STXBP5L: variants seen among roughly 807,000 people sequenced by gnomAD.
The protein encoded by STXBP5L is syntaxin-binding protein 5-like.
STXBP5L carries 65 observed loss-of-function variants against 144.5 expected under a neutral mutation model. The ratio of observed to expected loss-of-function variants is 0.45; its 90% CI spans 0.37 to 0.55. STXBP5L has a LOEUF of 0.55. STXBP5L is among the 20% of genes least tolerant of loss of function. STXBP5L has a pLI of 0.00. For synonymous variants in STXBP5L, 505 were observed against 469.6 expected, an observed-to-expected ratio of 1.08 and a Z score of -0.97; for missense variants, 1,298 against 1,405.5, an observed-to-expected ratio of 0.92 and a Z score of 1.22.
chr3:121,364,580 G>T (rs1249833060), intron 20 of STXBP5L, among the ~76,000 whole-genome samples: 1 of 151,528 alleles, frequency 6.6e-6, no homozygotes, highest in East Asian at 1.9e-4. Flanking sequence ...TCTAATCCAT[G>T]AACATGGGAT....
intron 3 of STXBP5L, among the ~76,000 whole-genome samples, chr3:120,985,940 C>T (rs9873825): frequency 0.099 from 15,058 of 151,456 alleles, 1,172 homozygotes; most frequent in Admixed American, 0.2. Flanking sequence ...CTTTATTATA[C>T]CCTTTGTTCT....
chr3:121,067,892 C>G (rs1320938592), intron 5 of STXBP5L, among the ~76,000 whole-genome samples: 2 of 152,154 alleles, frequency 1.3e-5, no homozygotes, highest in Non-Finnish European at 2.9e-5. Context: ...TTGATATTTG[C>G]ATAGCTAGTC....
At chr3:120,976,593 A>G (rs1342549982) in intron 3 of STXBP5L, among the ~76,000 whole-genome samples, 1 of 151,704 alleles carries the variant, frequency 6.6e-6, no homozygotes, top group Non-Finnish European at 1.5e-5. Context: ...CTAGCTTTTG[A>G]ATGTGTTTGC....
chr3:121,201,164 G>A (rs1340869339), intron 9 of STXBP5L, among the ~76,000 whole-genome samples: 1 of 151,190 alleles, frequency 6.6e-6, no homozygotes, highest in Non-Finnish European at 1.5e-5. Flanking sequence ...AATCTGGGTG[G>A]TATATTGGCT....
chr3:121,029,200 A>G (rs927871848), intron 3 of STXBP5L, among the ~76,000 whole-genome samples: 1 of 152,162 alleles, frequency 6.6e-6, no homozygotes, highest in Admixed American at 6.6e-5. Flanking sequence ...ATATGGAACC[A>G]AAAAAGAGCC....
intron 19 of STXBP5L, among the ~76,000 whole-genome samples, chr3:121,291,678 C>T (rs950988510): frequency 1.3e-5 from 2 of 152,062 alleles, no homozygotes; most frequent in Admixed American, 6.6e-5. Flanking sequence ...CTATCGTTAC[C>T]AAAACTTCAT....
At chr3:121,415,804 T>C (rs1013583332) in intron 24 of STXBP5L, 53 bp from the exon 25 acceptor site, 5 of 1,260,722 alleles carry the variant, frequency 4.0e-6, no homozygotes, top group Non-Finnish European at 3.4e-6. Context: ...CCTTTTTGTA[T>C]ATTAATTGAT....
chr3:121,199,059 A>G (rs1182539313), intron 9 of STXBP5L, among the ~76,000 whole-genome samples: 2 of 152,182 alleles, frequency 1.3e-5, no homozygotes, highest in Non-Finnish European at 2.9e-5. Flanking sequence ...CATTGAATCT[A>G]TAAGTTACTT....
At chr3:121,113,666 C>CTTTTTTTTTTTTTTT (rs1273804231) in intron 5 of STXBP5L, among the ~76,000 whole-genome samples, 4 of 132,900 alleles carry the variant, frequency 3.0e-5, no homozygotes, top group Admixed American at 8.1e-5. Flanking sequence ...ATTCTTTTTT[C>CTTTTTTTTTTTTTTT]TTTTTCTTTT....
intron 2 of STXBP5L, among the ~76,000 whole-genome samples, chr3:120,953,962 G>A (rs961487552): frequency 6.6e-6 from 1 of 152,050 alleles, no homozygotes; most frequent in Non-Finnish European, 1.5e-5. Flanking sequence ...CCATTTATTA[G>A]ATGTATAAGG....
At chr3:120,995,025 T>G (rs1943228254) in intron 3 of STXBP5L, among the ~76,000 whole-genome samples, 1 of 152,166 alleles carries the variant, frequency 6.6e-6, no homozygotes, top group Non-Finnish European at 1.5e-5. Flanking sequence ...AACCAGGAGT[T>G]TATCCATTTC....
At chr3:120,928,347 C>T (rs1709746842) in intron 2 of STXBP5L, among the ~76,000 whole-genome samples, 1 of 152,090 alleles carries the variant, frequency 6.6e-6, no homozygotes, top group African/African-American at 2.4e-5. Flanking sequence ...ACTGCAACCT[C>T]CGTCTCTGGG....
chr3:121,050,119 CAT>C (rs1434139643), intron 5 of STXBP5L, among the ~76,000 whole-genome samples: 1 of 152,174 alleles, frequency 6.6e-6, no homozygotes, highest in East Asian at 1.9e-4. Context: ...GATAAATCCC[CAT>C]GTTTCCACCT....
chr3:121,119,117 C>T (rs529415433), intron 6 of STXBP5L, among the ~76,000 whole-genome samples: 1 of 151,462 alleles, frequency 6.6e-6, no homozygotes, highest in African/African-American at 2.4e-5. Context: ...TTTTGTTTGG[C>T]CATCAGAGCA....
intron 2 of STXBP5L, among the ~76,000 whole-genome samples, chr3:120,942,482 A>G (rs970449767): frequency 6.6e-6 from 1 of 151,564 alleles, no homozygotes; most frequent in Non-Finnish European, 1.5e-5. Context: ...AATAGAAAAT[A>G]TATTATTCAA....
chr3:120,934,009 A>G (rs369752167), intron 2 of STXBP5L, among the ~76,000 whole-genome samples: 2 of 149,694 alleles, frequency 1.3e-5, no homozygotes. Flanking sequence ...ACACTGCAAA[A>G]AATTTTGAGC....
intron 3 of STXBP5L, among the ~76,000 whole-genome samples, chr3:121,036,601 T>C (rs890614197): frequency 6.6e-6 from 1 of 152,116 alleles, no homozygotes. Flanking sequence ...CTGTTAAGAA[T>C]AATGTACAAA....
intron 5 of STXBP5L, among the ~76,000 whole-genome samples, chr3:121,053,988 A>G (rs932256875): frequency 2.4e-4 from 37 of 152,346 alleles, no homozygotes; most frequent in African/African-American, 8.7e-4. Flanking sequence ...ACACATGAAA[A>G]AATGCTCATC....
intron 7 of STXBP5L, among the ~76,000 whole-genome samples, chr3:121,139,689 A>G (rs1367167372): frequency 6.6e-6 from 1 of 152,080 alleles, no homozygotes; most frequent in Non-Finnish European, 1.5e-5. Flanking sequence ...TTAGGCTCAA[A>G]AGAAAATGGT....
Sources: gnomAD v4.1 joint callset for allele counts (sites outside exome capture counted in the v4.1 genomes callset) on GRCh38, gnomAD v4.1.1 for gene constraint, MANE v1.5 for transcripts, NCBI Gene and HGNC (gene_info 2026-07-23, HGNC 2026-07-21) for gene names.